IQCM: variants seen among roughly 807,000 people sequenced by gnomAD.
IQCM encodes the protein IQ motif containing M.
IQCM carries 45 observed loss-of-function variants against 57.6 expected under a neutral mutation model. The ratio of observed to expected loss-of-function variants is 0.78; its 90% CI spans 0.62 to 1.00. IQCM has a LOEUF of 1.00. Ranked by LOEUF, IQCM falls within the 50% of genes least tolerant of loss-of-function variation. IQCM has a pLI of 0.00. For missense variants in IQCM, 468 were observed against 511.6 expected, an observed-to-expected ratio of 0.91 and a Z score of 0.82; for synonymous variants, 148 against 158.9, an observed-to-expected ratio of 0.93 and a Z score of 0.51.
chr4:149,468,693 C>A (rs1287163234), intron 12 of IQCM, among the ~76,000 whole-genome samples: 1 of 152,208 alleles, frequency 6.6e-6, no homozygotes, highest in Non-Finnish European at 1.5e-5. Context: ...GGGTCCCTGA[C>A]CCCCGAGTAG....
At position 149,451,589 on chromosome 4, in the gene IQCM, A is replaced by G. The variant is rs975537643; in HGVS notation, c.1229-18032T>C. Among the ~76,000 whole-genome samples, 33 of 151,774 alleles carry G rather than the reference A, an allele frequency of 2.2e-4. No individual in the cohort carries two copies. The Admixed American group carries it at 2.2e-3, about 10-fold the overall frequency. On this transcript the variant is annotated intron_variant, in intron 12 of 13. Transcript: ENST00000636793. ...AAGTCTAAAGACTTAAGACTTTAGG[A>G]AAAAAAGAGCAATTGATAGAAAATT...
At chr4:149,486,437 G>A (rs1734315669) in intron 12 of IQCM, among the ~76,000 whole-genome samples, 1 of 151,950 alleles carries the variant, frequency 6.6e-6, no homozygotes. Context: ...CAATCCACTG[G>A]GGTTCTGTTC....
intron 10 of IQCM, among the ~76,000 whole-genome samples, chr4:149,562,457 T>C (rs1465748842): frequency 2.6e-5 from 4 of 152,180 alleles, no homozygotes; most frequent in South Asian, 2.1e-4. Context: ...TTTATCAATA[T>C]AGATAGTTAC....
At chr4:149,429,130 A>G (rs957891095) in intron 13 of IQCM, among the ~76,000 whole-genome samples, 12 of 151,854 alleles carry the variant, frequency 7.9e-5, no homozygotes, top group South Asian at 6.2e-4. Context: ...TCCTTAATAT[A>G]ATCTACAGCT....
chr4:149,377,130 C>T (rs1270379759), intron 13 of IQCM, among the ~76,000 whole-genome samples: 8 of 152,124 alleles, frequency 5.3e-5, no homozygotes, highest in East Asian at 3.9e-4. Context: ...TAAGTCATTA[C>T]TTTAGTCCAT....
intron 7 of IQCM, among the ~76,000 whole-genome samples, chr4:149,646,838 G>T (rs1408364948): frequency 6.6e-6 from 1 of 152,090 alleles, no homozygotes; most frequent in African/African-American, 2.4e-5. Flanking sequence ...ACAAAAATTA[G>T]CTGGGTGTGG....
At chr4:149,794,576 T>C (rs1273320123) in intron 2 of IQCM, among the ~76,000 whole-genome samples, 2 of 152,126 alleles carry the variant, frequency 1.3e-5, no homozygotes, top group Non-Finnish European at 2.9e-5. Flanking sequence ...CAACCATGAA[T>C]CACCAGACAT....
At chr4:149,374,844 A>C (rs1730595843) in intron 13 of IQCM, among the ~76,000 whole-genome samples, 1 of 152,028 alleles carries the variant, frequency 6.6e-6, no homozygotes, top group Non-Finnish European at 1.5e-5. Context: ...GTTTCAAAAA[A>C]GGAGTTTAGG....
rs575902788 is a variant in IQCM at position 149,355,735 on chromosome 4, T to C, written c.1391-3669A>G. ...GCATGTGTCTTTATAGCAGCATGAT[T>C]TATAATCCTTTGGGTATATACCCAG... On this transcript the variant is annotated intron_variant, in intron 13 of 13. Transcript: ENST00000636793. Among the ~76,000 whole-genome samples the C allele has an allele frequency of 2.6e-5, 4 of 152,244 alleles. No homozygotes were observed. The East Asian group carries it at 7.7e-4, about 29-fold the overall frequency.
intron 12 of IQCM, among the ~76,000 whole-genome samples, chr4:149,543,441 G>A (rs1194319024): frequency 1.3e-5 from 2 of 152,022 alleles, no homozygotes; most frequent in African/African-American, 2.4e-5. Context: ...TCCCACCTAT[G>A]AGTGAGAATA....
chr4:149,642,745 T>A (rs1758303399), intron 7 of IQCM, among the ~76,000 whole-genome samples: 1 of 152,184 alleles, frequency 6.6e-6, no homozygotes, highest in South Asian at 2.1e-4. Flanking sequence ...AACATAATAA[T>A]GAATAATTCT....
chr4:149,719,855 T>C (rs1765302226), intron 5 of IQCM, among the ~76,000 whole-genome samples: 1 of 152,006 alleles, frequency 6.6e-6, no homozygotes, highest in South Asian at 2.1e-4. Context: ...GAACTCCAAG[T>C]AGAGGAGTAT....
At chr4:149,404,768 C>T (rs1243111088) in intron 13 of IQCM, among the ~76,000 whole-genome samples, 1 of 151,854 alleles carries the variant, frequency 6.6e-6, no homozygotes, top group Non-Finnish European at 1.5e-5. Context: ...AAGAATTGTA[C>T]AGAAAATATG....
chr4:149,445,306 A>C (rs529936443), intron 12 of IQCM, among the ~76,000 whole-genome samples: 10 of 151,880 alleles, frequency 6.6e-5, no homozygotes, highest in Non-Finnish European at 1.5e-4. Flanking sequence ...AGGCTCATGT[A>C]AGTTAGTTGT....
intron 5 of IQCM, among the ~76,000 whole-genome samples, chr4:149,728,142 T>A (rs569764543): frequency 6.6e-6 from 1 of 152,212 alleles, no homozygotes; most frequent in Non-Finnish European, 1.5e-5. Context: ...AGAACTGCAA[T>A]CACATTAACT....
At chr4:149,650,141 G>T (rs555858298) in intron 7 of IQCM, among the ~76,000 whole-genome samples, 1 of 152,046 alleles carries the variant, frequency 6.6e-6, no homozygotes, top group South Asian at 2.1e-4. Flanking sequence ...TTCAAATAGG[G>T]TCATTGCAGA....
intron 12 of IQCM, among the ~76,000 whole-genome samples, chr4:149,464,945 A>G (rs1738688319): frequency 6.6e-6 from 1 of 152,174 alleles, no homozygotes; most frequent in South Asian, 2.1e-4. Flanking sequence ...TTTAAATAGG[A>G]ATAGTTATGA....
At chr4:149,352,766 C>T (rs1372087168) in intron 13 of IQCM, among the ~76,000 whole-genome samples, 1 of 152,074 alleles carries the variant, frequency 6.6e-6, no homozygotes, top group Non-Finnish European at 1.5e-5. Flanking sequence ...TTAACATAAA[C>T]CACTATTCAT....
intron 8 of IQCM, among the ~76,000 whole-genome samples, chr4:149,592,462 T>C (rs1285749972): frequency 1.3e-5 from 2 of 152,108 alleles, no homozygotes; most frequent in African/African-American, 2.4e-5. Context: ...TTTAGTTTAA[T>C]TAGATCCCAT....
Sources: allele counts gnomAD v4.1 joint callset (sites outside exome capture counted in the v4.1 genomes callset), GRCh38; gene constraint gnomAD v4.1.1; transcripts MANE v1.5; gene names NCBI Gene and HGNC (gene_info 2026-07-23, HGNC 2026-07-21).